NCAM1: variants seen among roughly 807,000 people sequenced by gnomAD.
The protein encoded by NCAM1 is neural cell adhesion molecule 1, also known as antigen recognized by monoclonal antibody 5.1H11.
A neutral mutation model predicts 109.8 loss-of-function variants in NCAM1; 14 were observed. That is an observed-to-expected ratio of 0.13 (90% CI 0.08 to 0.20). The LOEUF is 0.20. NCAM1 is among the 10% of genes least tolerant of loss of function. The pLI, the probability that NCAM1 is intolerant of heterozygous loss-of-function variation, is 1.00. For synonymous variants in NCAM1, 418 were observed against 442.9 expected (o/e 0.94, Z 0.70); for missense variants, 774 against 1,109.9 (o/e 0.70, Z 4.30).
intron 14 of NCAM1, among the ~76,000 whole-genome samples, chr11:113,245,567 A>C (rs1945476753): frequency 6.6e-6 from 1 of 152,200 alleles, no homozygotes; most frequent in South Asian, 2.1e-4. Flanking sequence ...CATCAGAAGG[A>C]AACCCATTCC....
intron 1 of NCAM1, among the ~76,000 whole-genome samples, chr11:113,019,940 T>G (rs1952334760): frequency 6.6e-6 from 1 of 152,194 alleles, no homozygotes; most frequent in African/African-American, 2.4e-5. Flanking sequence ...GATGTTCCTG[T>G]TATTTCTGAA....
intron 1 of NCAM1, among the ~76,000 whole-genome samples, chr11:112,978,263 G>T (rs1339522496): frequency 7.7e-6 from 1 of 129,588 alleles, no homozygotes; most frequent in African/African-American, 2.7e-5. Context: ...TAGGTTTTGG[G>T]AGTGGGGTGA....
intron 1 of NCAM1, among the ~76,000 whole-genome samples, chr11:113,149,053 C>G (rs1942125801): frequency 6.6e-6 from 1 of 152,178 alleles, no homozygotes; most frequent in Non-Finnish European, 1.5e-5. Context: ...AAGACCAGAC[C>G]AACTAGTCGG....
chr11:113,026,259 G>T (rs1404283997), intron 1 of NCAM1, among the ~76,000 whole-genome samples: 1 of 152,200 alleles, frequency 6.6e-6, no homozygotes, highest in Non-Finnish European at 1.5e-5. Flanking sequence ...AACTAATGGG[G>T]ACTGTGAAGA....
chr11:113,138,839 ACAT>A (rs781795508), intron 1 of NCAM1, among the ~76,000 whole-genome samples: 3 of 152,194 alleles, frequency 2.0e-5, no homozygotes, highest in Non-Finnish European at 4.4e-5. Flanking sequence ...GCATTTCTTA[ACAT>A]CATACAGTTT....
At chr11:113,142,201 T>G (rs1166802601) in intron 1 of NCAM1, among the ~76,000 whole-genome samples, 1 of 152,114 alleles carries the variant, frequency 6.6e-6, no homozygotes, top group Non-Finnish European at 1.5e-5. Flanking sequence ...GAGATGGGAA[T>G]TTGATTCCTG....
At chr11:113,206,871 T>C (rs1555112936) in intron 5 of NCAM1, among the ~76,000 whole-genome samples, 1 of 152,232 alleles carries the variant, frequency 6.6e-6, no homozygotes, top group African/African-American at 2.4e-5. Context: ...GGAGCAGTAA[T>C]GTCCAACTTT....
Position 113,260,333 on chromosome 11 carries a change from C to A in NCAM1, c.2131+10C>A. On this transcript the variant is annotated intron_variant, in intron 17 of 19. Coordinates refer to ENST00000316851, the MANE Select transcript of NCAM1 (RefSeq NM_181351.5). Reference sequence around the variant, plus strand: ...CCCACAGCCATCCCAGGTATGGCTGCCTCTGCTTTCTGTTTGTTTCCGCTT... The same window carrying A: ...CCCACAGCCATCCCAGGTATGGCTGACTCTGCTTTCTGTTTGTTTCCGCTT... 6.2e-7 allele frequency: 1 copy of A among 1,607,600 alleles called. No homozygotes were observed. The highest frequency in any genetic ancestry group is 2.2e-5 in the East Asian group (1 of 44,784).
chr11:113,020,078 TTG>T (rs1555075966), intron 1 of NCAM1, among the ~76,000 whole-genome samples: 3 of 152,226 alleles, frequency 2.0e-5, no homozygotes, highest in African/African-American at 7.2e-5. Context: ...TCCAAGTCCT[TTG>T]GGAGACAGCC....
intron 1 of NCAM1, among the ~76,000 whole-genome samples, chr11:113,046,239 A>G (rs1487541235): frequency 6.6e-6 from 1 of 152,248 alleles, no homozygotes; most frequent in Non-Finnish European, 1.5e-5. Flanking sequence ...TGGCATTAAT[A>G]TCACCTTGTT....
chr11:112,978,424 T>G (rs577019552), intron 1 of NCAM1, among the ~76,000 whole-genome samples: 1 of 151,782 alleles, frequency 6.6e-6, no homozygotes, highest in African/African-American at 2.4e-5. Flanking sequence ...TAATGGCATG[T>G]TTTTTTCTTC....
Position 113,119,005 on chromosome 11 carries a change from A to G in NCAM1, c.53-83374A>G, listed in dbSNP as rs1032395171. On this transcript the variant is annotated intron_variant, in intron 1 of 19. Transcript: ENST00000316851. ...AAATTACCTTCAAATTAATAGAAGA[A>G]CATTAAAAGATTTCTCTTTATGGCT... is the stretch of plus-strand genomic sequence containing the variant. Among the ~76,000 whole-genome samples, 5 of 152,184 alleles carry G rather than the reference A, an allele frequency of 3.3e-5. No individual in the cohort carries two copies. The East Asian group carries it at 9.6e-4, about 29-fold the overall frequency.
intron 1 of NCAM1, among the ~76,000 whole-genome samples, chr11:113,125,956 G>A (rs1941156060): frequency 6.6e-6 from 1 of 151,880 alleles, no homozygotes; most frequent in South Asian, 2.1e-4. Context: ...AGGAGTTCAA[G>A]ACCAGCCTGG....
At chr11:113,251,106 T>C (rs1335963407) in intron 15 of NCAM1, among the ~76,000 whole-genome samples, 2 of 152,218 alleles carry the variant, frequency 1.3e-5, no homozygotes, top group Admixed American at 6.5e-5. Flanking sequence ...CAGCCCCAGA[T>C]AGAGGCTTTC....
At chr11:113,002,168 G>A (rs572313195) in intron 1 of NCAM1, among the ~76,000 whole-genome samples, 2 of 152,290 alleles carry the variant, frequency 1.3e-5, no homozygotes, top group East Asian at 1.9e-4. Flanking sequence ...TAATCTCATG[G>A]GCTGAAAATG....
chr11:113,027,081 G>A (rs1315232658), intron 1 of NCAM1, among the ~76,000 whole-genome samples: 1 of 152,048 alleles, frequency 6.6e-6, no homozygotes, highest in Non-Finnish European at 1.5e-5. Flanking sequence ...CCAGGACCTG[G>A]GATCACCTTG....
At chr11:112,971,252 G>A (rs1289717127) in intron 1 of NCAM1, among the ~76,000 whole-genome samples, 1 of 148,976 alleles carries the variant, frequency 6.7e-6, no homozygotes, top group African/African-American at 2.5e-5. Context: ...CTCTGTCTCT[G>A]TCTCTCTCTC....
At chr11:113,252,702 C>A (rs545729055) in intron 15 of NCAM1, among the ~76,000 whole-genome samples, 2 of 148,142 alleles carry the variant, frequency 1.4e-5, no homozygotes, top group East Asian at 4.2e-4. Flanking sequence ...GTGGCATGAT[C>A]TTGGCTCACT....
chr11:112,995,687 A>T (rs1158255530), intron 1 of NCAM1, among the ~76,000 whole-genome samples: 1 of 152,238 alleles, frequency 6.6e-6, no homozygotes, highest in African/African-American at 2.4e-5. Context: ...AGCTAGCAAT[A>T]GCAAAGATAG....
Sources: gnomAD v4.1 joint callset for allele counts (sites outside exome capture counted in the v4.1 genomes callset) on GRCh38, gnomAD v4.1.1 for gene constraint, MANE v1.5 for transcripts, NCBI Gene and HGNC (gene_info 2026-07-23, HGNC 2026-07-21) for gene names.